Variants in ZMYM4 observed in about 807,000 individuals in gnomAD.
ZMYM4 encodes zinc finger MYM-type containing 4.
In ZMYM4, 31 loss-of-function variants were observed where a neutral mutation model predicts 183.2. That is an observed-to-expected ratio of 0.17 (90% confidence interval 0.13 to 0.23). The LOEUF is 0.23. Among genes scored for constraint, ZMYM4 ranks in the 10% least tolerant of loss-of-function variants. ZMYM4 has a pLI of 1.00. For synonymous variants in ZMYM4, 592 were observed against 631.2 expected, an observed-to-expected ratio of 0.94 and a Z score of 0.93; for missense variants, 1,273 against 1,840.3, an observed-to-expected ratio of 0.69 and a Z score of 5.64.
chr1:35,361,396 C>A (rs757992604), intron 4 of ZMYM4, 141 bp downstream of exon 4: 12 of 956,768 alleles, frequency 1.3e-5, no homozygotes, highest in Non-Finnish European at 1.8e-5. Context: ...TGTTTAAGGT[C>A]ATCATCGGAG....
intron 1 of ZMYM4, among the ~76,000 whole-genome samples, chr1:35,299,567 A>G (rs1440642571): frequency 1.3e-5 from 2 of 152,204 alleles, no homozygotes; most frequent in Non-Finnish European, 2.9e-5. Flanking sequence ...GTTATACCCT[A>G]TGCAAACCTC....
intron 2 of ZMYM4, among the ~76,000 whole-genome samples, chr1:35,349,753 C>A (rs1290681094): frequency 6.6e-6 from 1 of 151,300 alleles, no homozygotes; most frequent in Non-Finnish European, 1.5e-5. Context: ...TTGCTTGAAC[C>A]CGGGCAGTGG....
chr1:35,287,908 T>G (rs1319321133), intron 1 of ZMYM4, among the ~76,000 whole-genome samples: 3 of 152,136 alleles, frequency 2.0e-5, no homozygotes, highest in Non-Finnish European at 4.4e-5. Context: ...CCGGCCTATT[T>G]TTATTTTTAT....
chr1:35,321,059 G>T (rs1642260789), intron 1 of ZMYM4, among the ~76,000 whole-genome samples: 1 of 152,106 alleles, frequency 6.6e-6, no homozygotes, highest in African/African-American at 2.4e-5. Flanking sequence ...AAAACTCAAG[G>T]TTTGTATAAC....
At position 35,397,477 on chromosome 1, in the gene ZMYM4, A is replaced by G; in HGVS notation, c.3131A>G (p.Glu1044Gly). Reference protein sequence around the residue: ...IKEKLPTHPFEADLLEMAEMI... With the variant: ...IKEKLPTHPFGADLLEMAEMI... The stretch of plus-strand genomic sequence containing the variant: ...GAAAAGCTTCCCACACATCCATTTG[A>G]AGCTGATCTCCTTGAGATGGCAGAA... The change falls in exon 20 of 30, where the codon GAA (glutamate) becomes GGA (glycine). Residue 1044 changes from glutamate to glycine, a missense_variant. Transcript: ENST00000314607. 6.2e-7 allele frequency: 1 copy of G among 1,613,584 alleles called. No homozygotes were observed. The highest frequency in any genetic ancestry group is 8.5e-7 in the Non-Finnish European group (1 of 1,179,706).
intron 28 of ZMYM4, among the ~76,000 whole-genome samples, chr1:35,416,737 T>C (rs1027968143): frequency 6.6e-6 from 1 of 152,154 alleles, no homozygotes; most frequent in Non-Finnish European, 1.5e-5. Context: ...CTAATTTTTG[T>C]ATTTTTAATA....
intron 1 of ZMYM4, among the ~76,000 whole-genome samples, chr1:35,303,509 G>A (rs1292080793): frequency 1.3e-5 from 2 of 151,952 alleles, no homozygotes; most frequent in East Asian, 1.9e-4. Flanking sequence ...GGGTTCAAGC[G>A]ATTCTCCTGC....
At chr1:35,275,558 T>C (rs1193959846) in intron 1 of ZMYM4, among the ~76,000 whole-genome samples, 1 of 152,192 alleles carries the variant, frequency 6.6e-6, no homozygotes, top group East Asian at 1.9e-4. Flanking sequence ...AATATGTAAG[T>C]AGATAAATAT....
chr1:35,359,735 G>T (rs184364731), intron 3 of ZMYM4, among the ~76,000 whole-genome samples: 238 of 152,132 alleles, frequency 1.6e-3, no homozygotes, highest in Non-Finnish European at 2.9e-3. Flanking sequence ...ATTTTCTTTG[G>T]TTGAACATTG....
At chr1:35,390,618 A>G (rs1644684243) in intron 15 of ZMYM4, among the ~76,000 whole-genome samples, 1 of 152,222 alleles carries the variant, frequency 6.6e-6, no homozygotes, top group Non-Finnish European at 1.5e-5. Context: ...GTGTACCTGC[A>G]GGTCAGAGGG....
Position 35,420,068 on chromosome 1 carries a change from T to C in ZMYM4, c.*391T>C. 3.6e-6 allele frequency: 1 copy of C among 278,058 alleles called. No homozygotes were observed. Among genetic ancestry groups the C allele is most frequent in the Admixed American group, 4.6e-5 (1 of 21,506 alleles). The allele number at this position is 278,058 out of a possible 1,614,324, so 17.2% of individuals were successfully genotyped here. ...AAACTTTGGCTGCAATAGGCTACTTTGGCAAGCCCTCCGTAAAAGTCAGAG... is the reference window on the plus strand; with the variant it reads ...AAACTTTGGCTGCAATAGGCTACTTCGGCAAGCCCTCCGTAAAAGTCAGAG... On this transcript the variant is annotated 3_prime_UTR_variant, in exon 30 of 30. Coordinates refer to ENST00000314607, the MANE Select transcript of ZMYM4 (RefSeq NM_005095.3).
At chr1:35,272,983 G>A (rs1639694516) in intron 1 of ZMYM4, among the ~76,000 whole-genome samples, 1 of 152,196 alleles carries the variant, frequency 6.6e-6, no homozygotes, top group Non-Finnish European at 1.5e-5. Context: ...CAAAGTGCTA[G>A]GATTACAGGC....
Position 35,405,191 on chromosome 1 carries a change from G to A in ZMYM4, c.3697G>A (p.Gly1233Arg), listed in dbSNP as rs1266181286. 6.2e-7 allele frequency: 1 copy of A among 1,613,872 alleles called. No individual in the cohort carries two copies. Among genetic ancestry groups the A allele is most frequent in the Non-Finnish European group, 8.5e-7 (1 of 1,179,856 alleles). The change falls in exon 24 of 30, where the codon GGA becomes AGA. Residue 1233 changes from glycine (G) to arginine (R), a missense_variant. Physicochemically the swap from Gly to Arg is moderately radical, Grantham distance 125. Transcript: ENST00000314607. Reference sequence around the variant, plus strand: ...GGAAGAGCAGGGGGATCTAAAATGTGGAGGTAAGTGCACAGCATGAATTGT... The same window carrying A: ...GGAAGAGCAGGGGGATCTAAAATGTAGAGGTAAGTGCACAGCATGAATTGT... The part of the protein sequence containing the change: ...AKEEQGDLKC[G>R]GVEQASSSPR...
In ZMYM4 at chr1:35,327,567, T is replaced by C. The variant is rs188099224; in HGVS notation, c.85+2162T>C. Among the ~76,000 whole-genome samples, 15 of 152,356 alleles carry C rather than the reference T, an allele frequency of 9.8e-5. No individual in the cohort carries two copies. In the East Asian group the frequency reaches 2.7e-3, roughly 27 times the overall value. ...TAGACTACCGTCTGACTATGTTATT[T>C]GATATTGAGAGGTAACTATATCTCC... On this transcript the variant is annotated intron_variant, in intron 2 of 29. Transcript: ENST00000314607.
At chr1:35,269,847 C>T (rs1639508826) in intron 1 of ZMYM4, among the ~76,000 whole-genome samples, 1 of 152,160 alleles carries the variant, frequency 6.6e-6, no homozygotes, top group African/African-American at 2.4e-5. Flanking sequence ...TGGTTTTTTT[C>T]AGATGGCGAA....
Position 35,419,910 on chromosome 1 carries a change from T to C in ZMYM4, c.*233T>C, listed in dbSNP as rs1640269308. 3.9e-6 allele frequency: 2 copies of C among 517,044 alleles called. No homozygotes were observed. Among genetic ancestry groups the C allele is most frequent in the Admixed American group, 6.4e-5 (2 of 31,468 alleles). 32.0% of individuals were successfully genotyped at this position (517,044 alleles called of 1,614,324 possible). On this transcript the variant is annotated 3_prime_UTR_variant, in exon 30 of 30. Coordinates refer to ENST00000314607, the MANE Select transcript of ZMYM4 (RefSeq NM_005095.3). The stretch of plus-strand genomic sequence containing the variant: ...ATATAGTTCTTAGACATCTTCAGAA[T>C]GACTAATTTCTCCGAGTGGTGCATA...
chr1:35,351,161 A>G (rs1643591910), intron 2 of ZMYM4: 3 of 1,208,792 alleles, frequency 2.5e-6, no homozygotes, highest in Non-Finnish European at 3.6e-6. Context: ...ATTTGGATGC[A>G]GACCTTGCCA....
intron 18 of ZMYM4, among the ~76,000 whole-genome samples, chr1:35,393,956 T>C (rs1175627300): frequency 2.0e-5 from 3 of 152,174 alleles, no homozygotes; most frequent in Non-Finnish European, 4.4e-5. Context: ...AGTGATACCA[T>C]ACTGTGAGCA....
chr1:35,399,184 T>C, intron 22 of ZMYM4, 141 bp downstream of exon 22: 2 of 932,566 alleles, frequency 2.1e-6, no homozygotes, highest in East Asian at 2.6e-5. Flanking sequence ...AGAGCACAAA[T>C]AGACCCTGGC....
Sources: gnomAD v4.1 joint callset for allele counts (sites outside exome capture counted in the v4.1 genomes callset) on GRCh38, gnomAD v4.1.1 for gene constraint, MANE v1.5 for transcripts, NCBI Gene and HGNC (gene_info 2026-07-23, HGNC 2026-07-21) for gene names.